The following PIP5K1B variants were observed in gnomAD, a reference collection of about 807,000 sequenced individuals.
The protein encoded by PIP5K1B is phosphatidylinositol 4-phosphate 5-kinase type-1 beta.
Under a neutral mutation model 67.0 loss-of-function variants are expected in PIP5K1B, and 42 were observed. The observed-to-expected ratio is 0.63, with a 90% CI of 0.49 to 0.81. PIP5K1B has a LOEUF of 0.81. Among genes scored for constraint, PIP5K1B ranks in the 30% least tolerant of loss-of-function variants. The pLI, the probability that PIP5K1B is intolerant of heterozygous loss-of-function variation, is 0.00. For synonymous variants in PIP5K1B, 214 were observed against 231.4 expected, an observed-to-expected ratio of 0.92 and a Z score of 0.68; for missense variants, 459 against 646.3, an observed-to-expected ratio of 0.71 and a Z score of 3.14.
chr9:68,903,846 A>T (rs1416565642), intron 8 of PIP5K1B, among the ~76,000 whole-genome samples: 1 of 152,252 alleles, frequency 6.6e-6, no homozygotes, highest in Non-Finnish European at 1.5e-5. Context: ...GTAACTTAAC[A>T]TGTAAAACAA....
chr9:68,781,638 T>G (rs745659495), intron 2 of PIP5K1B: 1 of 166,876 alleles, frequency 6.0e-6, no homozygotes, highest in African/African-American at 2.4e-5. Context: ...CTTTTCAAAT[T>G]AAGTATATAA....
intron 4 of PIP5K1B, chr9:68,824,373 C>T (rs1833880317): frequency 2.3e-6 from 1 of 431,316 alleles, no homozygotes; most frequent in South Asian, 1.7e-5. Context: ...TTTAGTCAAG[C>T]AGGTTTTCAA....
chr9:68,759,796 A>C (rs137902547), intron 2 of PIP5K1B, among the ~76,000 whole-genome samples: 17 of 152,224 alleles, frequency 1.1e-4, no homozygotes, highest in African/African-American at 3.8e-4. Flanking sequence ...TTTCATGCTG[A>C]AATGTTTTTT....
intron 14 of PIP5K1B, among the ~76,000 whole-genome samples, chr9:68,970,653 G>A (rs948094423): frequency 1.3e-5 from 2 of 152,152 alleles, no homozygotes; most frequent in Non-Finnish European, 2.9e-5. Flanking sequence ...TGAAGAAAAT[G>A]GGCTGTTGCT....
chr9:68,913,821 T>C (rs957110970), intron 8 of PIP5K1B, among the ~76,000 whole-genome samples: 4 of 152,164 alleles, frequency 2.6e-5, no homozygotes, highest in Non-Finnish European at 5.9e-5. Flanking sequence ...CTCTTTTTAA[T>C]ATTTTTTATC....
At chr9:68,783,531 A>G (rs1054320391) in intron 2 of PIP5K1B, 1 of 166,950 alleles carries the variant, frequency 6.0e-6, no homozygotes, top group African/African-American at 2.4e-5. Context: ...TCTGTTAACA[A>G]CTTGATATCT....
chr9:68,815,492 G>A (rs552593212), intron 2 of PIP5K1B, among the ~76,000 whole-genome samples: 93 of 152,062 alleles, frequency 6.1e-4, no homozygotes, highest in African/African-American at 1.7e-3. Context: ...CCCAGATCCC[G>A]GAAGGATTAA....
intron 6 of PIP5K1B, among the ~76,000 whole-genome samples, chr9:68,880,018 A>C (rs1463762214): frequency 2.0e-5 from 3 of 152,172 alleles, no homozygotes; most frequent in African/African-American, 7.2e-5. Context: ...AAACGGGTGA[A>C]TTGAATGCTA....
chr9:68,983,074 G>A (rs528569965), intron 14 of PIP5K1B, among the ~76,000 whole-genome samples: 3 of 152,304 alleles, frequency 2.0e-5, no homozygotes, highest in Non-Finnish European at 2.9e-5. Flanking sequence ...TAAAAATAAT[G>A]TGACAGTGTT....
intron 13 of PIP5K1B, 75 bp from the exon 14 acceptor site, chr9:68,940,571 A>G: frequency 1.5e-6 from 2 of 1,370,404 alleles, no homozygotes; most frequent in Non-Finnish European, 2.0e-6. Flanking sequence ...CTTTTGACTC[A>G]TTTCAATTAT....
At chr9:68,947,280 C>G (rs1488965088) in intron 14 of PIP5K1B, among the ~76,000 whole-genome samples, 4 of 152,198 alleles carry the variant, frequency 2.6e-5, no homozygotes. Context: ...ATACCTGCTG[C>G]CGCCTTGGAG....
intron 14 of PIP5K1B, among the ~76,000 whole-genome samples, chr9:68,962,312 G>C (rs547256897): frequency 3.9e-5 from 6 of 152,098 alleles, no homozygotes; most frequent in Non-Finnish European, 7.4e-5. Flanking sequence ...AGGCAGAAAT[G>C]TTATTTTTCA....
At chr9:68,778,029 CT>C (rs1447796517) in intron 2 of PIP5K1B, among the ~76,000 whole-genome samples, 2 of 152,234 alleles carry the variant, frequency 1.3e-5, no homozygotes, top group Non-Finnish European at 2.9e-5. Flanking sequence ...AATCCATCTC[CT>C]TCTGCCTTTC....
chr9:68,743,904 C>T (rs954689916), intron 2 of PIP5K1B, among the ~76,000 whole-genome samples: 4 of 152,060 alleles, frequency 2.6e-5, no homozygotes, highest in African/African-American at 9.7e-5. Context: ...GATGAATGTA[C>T]CGGGAATCCT....
chr9:68,774,119 A>G (rs909947145), intron 2 of PIP5K1B, among the ~76,000 whole-genome samples: 1 of 152,106 alleles, frequency 6.6e-6, no homozygotes, highest in African/African-American at 2.4e-5. Flanking sequence ...AGGCAATAAA[A>G]TGGGCTTCAT....
chr9:68,869,747 G>A (rs752768735), intron 5 of PIP5K1B, among the ~76,000 whole-genome samples: 59 of 152,208 alleles, frequency 3.9e-4, no homozygotes, highest in Non-Finnish European at 6.3e-4. Context: ...GGAGGCCGAG[G>A]TGGGAAGATC....
chr9:68,964,231 T>A (rs1429911658), intron 14 of PIP5K1B: 4 of 152,222 alleles, frequency 2.6e-5, no homozygotes, highest in Admixed American at 2.6e-4. Flanking sequence ...GAAATTCACG[T>A]GGTTCCACCC....
chr9:68,880,547 T>C (rs539268227), intron 6 of PIP5K1B, among the ~76,000 whole-genome samples: 1 of 147,216 alleles, frequency 6.8e-6, no homozygotes, highest in East Asian at 2.0e-4. Flanking sequence ...AGAGCAAGAC[T>C]GCATCTGAAA....
chr9:68,945,729 C>T (rs1333986951), intron 14 of PIP5K1B, among the ~76,000 whole-genome samples: 2 of 152,180 alleles, frequency 1.3e-5, no homozygotes, highest in Non-Finnish European at 2.9e-5. Context: ...TGCTTAGCAA[C>T]ATGAGGTAAC....
Sources: gnomAD v4.1 joint callset for allele counts (sites outside exome capture counted in the v4.1 genomes callset) on GRCh38, gnomAD v4.1.1 for gene constraint, MANE v1.5 for transcripts, NCBI Gene and HGNC (gene_info 2026-07-23, HGNC 2026-07-21) for gene names.